The following ITGA9 variants were observed in gnomAD, a reference collection of about 807,000 sequenced individuals.
The protein encoded by ITGA9 is integrin alpha-9.
Under a neutral mutation model 127.8 loss-of-function variants are expected in ITGA9, and 56 were observed. The ratio of observed to expected loss-of-function variants is 0.44; its 90% CI spans 0.35 to 0.55. ITGA9 has a LOEUF of 0.55. Ranked by LOEUF, ITGA9 falls within the 20% of genes least tolerant of loss-of-function variation. The pLI, the probability that ITGA9 is intolerant of heterozygous loss-of-function variation, is 0.00. For synonymous variants in ITGA9, 508 were observed against 514.5 expected (o/e 0.99, Z 0.17); for missense variants, 1,196 against 1,347.1 (o/e 0.89, Z 1.76).
chr3:37,655,668 C>A (rs1700470823), intron 17 of ITGA9, among the ~76,000 whole-genome samples: 2 of 152,112 alleles, frequency 1.3e-5, no homozygotes. Flanking sequence ...ATGATAGTTT[C>A]TTTTGCTGTG....
rs569894339 is a variant in ITGA9 at position 37,762,917 on chromosome 3, G to T, written c.2541+12348G>T. ...AAGATCCCCAGGGATTCCTTTGTCTGTTCATATTTAAGAAGCCCTGGTCTA... is the reference window on the plus strand; with the variant it reads ...AAGATCCCCAGGGATTCCTTTGTCTTTTCATATTTAAGAAGCCCTGGTCTA... On this transcript the variant is annotated intron_variant, in intron 23 of 27. Transcript: ENST00000264741. 1.2e-4 allele frequency among the ~76,000 whole-genome samples: 19 copies of T among 152,262 alleles called. No homozygotes were observed. In the South Asian group the frequency reaches 3.9e-3, roughly 32 times the overall value.
chr3:37,472,188 C>A (rs1014777582), intron 2 of ITGA9, among the ~76,000 whole-genome samples: 1 of 152,202 alleles, frequency 6.6e-6, no homozygotes, highest in Non-Finnish European at 1.5e-5. Flanking sequence ...GCTTCTTGGG[C>A]CTCAGTTCCC....
chr3:37,782,491 A>T (rs547449151), intron 25 of ITGA9, among the ~76,000 whole-genome samples: 2 of 152,250 alleles, frequency 1.3e-5, no homozygotes, highest in Non-Finnish European at 2.9e-5. Flanking sequence ...GTAGGGTGTC[A>T]TATGAAGCCT....
At chr3:37,609,816 G>A (rs1282019292) in intron 15 of ITGA9, among the ~76,000 whole-genome samples, 1 of 152,180 alleles carries the variant, frequency 6.6e-6, no homozygotes, top group East Asian at 1.9e-4. Context: ...TGGCAGCATG[G>A]CCTAGAAGCC....
chr3:37,606,443 T>G (rs1329067822), intron 15 of ITGA9, among the ~76,000 whole-genome samples: 1 of 152,182 alleles, frequency 6.6e-6, no homozygotes, highest in Non-Finnish European at 1.5e-5. Flanking sequence ...TATTGAATTA[T>G]GAGTCATTTA....
chr3:37,793,389 AACAC>A (rs10575371), intron 26 of ITGA9, among the ~76,000 whole-genome samples: 22,612 of 134,298 alleles, frequency 0.17, 1,990 homozygotes, highest in African/African-American at 0.21. Context: ...CAAACAGGTC[AACAC>A]ACACACACAC....
chr3:37,663,688 C>A (rs745897358), intron 17 of ITGA9, among the ~76,000 whole-genome samples: 2 of 152,122 alleles, frequency 1.3e-5, no homozygotes, highest in Non-Finnish European at 2.9e-5. Context: ...GAAGTTTGTC[C>A]TGTTTTATGA....
intron 27 of ITGA9, among the ~76,000 whole-genome samples, chr3:37,812,235 A>G (rs747836343): frequency 2.5e-4 from 38 of 152,264 alleles, no homozygotes; most frequent in Non-Finnish European, 2.6e-4. Flanking sequence ...CACTGTCGAC[A>G]TCTCGAGACA....
intron 18 of ITGA9, among the ~76,000 whole-genome samples, chr3:37,726,402 G>A (rs1232039496): frequency 1.3e-5 from 2 of 152,186 alleles, no homozygotes; most frequent in Admixed American, 6.5e-5. Context: ...GCATAAGCAG[G>A]TCACTGACCA....
rs1440418738 is a variant in ITGA9 at position 37,799,477 on chromosome 3, G to C, written c.2890-4346G>C. ...AAGGGCATTTCAGGAGGCAAGAGCA[G>C]CCTGCAGAGAGGCTGGGGACCACCG... On this transcript the variant is annotated intron_variant, in intron 26 of 27. Coordinates refer to ENST00000264741, the MANE Select transcript of ITGA9 (RefSeq NM_002207.3). This position sits in a 1 kb window ranked among gnomAD's most constrained non-coding sequence, Gnocchi z 4.0. 1.2e-4 allele frequency among the ~76,000 whole-genome samples: 19 copies of C among 152,206 alleles called. 1 individual carries two copies. The highest frequency in any genetic ancestry group is 1.2e-3 in the Admixed American group (19 of 15,282).
At chr3:37,575,449 C>T (rs892158432) in intron 15 of ITGA9, among the ~76,000 whole-genome samples, 7 of 152,092 alleles carry the variant, frequency 4.6e-5, no homozygotes, top group South Asian at 2.1e-4. Flanking sequence ...TGACAACTAG[C>T]GTTTACTGAG....
chr3:37,802,415 T>C (rs13059054), intron 26 of ITGA9, among the ~76,000 whole-genome samples: 1,795 of 152,240 alleles, frequency 0.012, 17 homozygotes, highest in Non-Finnish European at 0.016. Flanking sequence ...GACAGAGGAT[T>C]GAACTAGGTT....
chr3:37,549,506 G>A (rs1575146258), intron 15 of ITGA9, among the ~76,000 whole-genome samples: 1 of 152,172 alleles, frequency 6.6e-6, no homozygotes, highest in African/African-American at 2.4e-5. Flanking sequence ...ATTTTAAGAG[G>A]TGACTTTCTA....
chr3:37,768,680 A>T (rs937643597), intron 23 of ITGA9, among the ~76,000 whole-genome samples: 2 of 152,210 alleles, frequency 1.3e-5, no homozygotes, highest in African/African-American at 4.8e-5. Context: ...TCAATGAATA[A>T]CACAGAAACG....
At chr3:37,479,747 A>T (rs1479905333) in intron 3 of ITGA9, among the ~76,000 whole-genome samples, 1 of 152,192 alleles carries the variant, frequency 6.6e-6, no homozygotes, top group African/African-American at 2.4e-5. Flanking sequence ...AAAATGCTTC[A>T]TAGTGAAACA....
intron 23 of ITGA9, among the ~76,000 whole-genome samples, chr3:37,760,329 A>G (rs1047354393): frequency 6.6e-6 from 1 of 152,176 alleles, no homozygotes; most frequent in Non-Finnish European, 1.5e-5. Flanking sequence ...GCTCAATAGC[A>G]TATTTGAGCT....
intron 8 of ITGA9, among the ~76,000 whole-genome samples, chr3:37,512,032 CTTT>C (rs1698918978): frequency 1.3e-4 from 3 of 23,334 alleles, no homozygotes; most frequent in Non-Finnish European, 3.0e-4. Flanking sequence ...TCTTTTCTTT[CTTT>C]CTTTCTTTCT....
chr3:37,777,307 C>T (rs1696920055), intron 23 of ITGA9, 85 bp from the exon 24 acceptor site: 2 of 1,478,444 alleles, frequency 1.4e-6, no homozygotes, highest in South Asian at 1.1e-5. Flanking sequence ...GGGGTTCTAC[C>T]ACTCCTGCCT....
At chr3:37,561,756 G>A (rs578221060) in intron 15 of ITGA9, among the ~76,000 whole-genome samples, 2 of 152,258 alleles carry the variant, frequency 1.3e-5, no homozygotes, top group Admixed American at 6.5e-5. Flanking sequence ...CAAACTTTCC[G>A]CGTGGCTTTT....
Sources: gnomAD v4.1 joint callset for allele counts (sites outside exome capture counted in the v4.1 genomes callset) on GRCh38, gnomAD v4.1.1 for gene constraint, Gnocchi (gnomAD v3.1) non-coding constraint, MANE v1.5 for transcripts, NCBI Gene and HGNC (gene_info 2026-07-23, HGNC 2026-07-21) for gene names.